AKAP6: variants seen among roughly 807,000 people sequenced by gnomAD.
AKAP6 encodes A-kinase anchoring protein 6.
A neutral mutation model predicts 188.5 loss-of-function variants in AKAP6; 58 were observed. That is an observed-to-expected ratio of 0.31 (90% CI 0.25 to 0.38). AKAP6 has a LOEUF of 0.38. Ranked by LOEUF, AKAP6 falls within the 10% of genes least tolerant of loss-of-function variation. The pLI is 1.00. For missense variants in AKAP6, 2,710 were observed against 2,740.0 expected (o/e 0.99, Z 0.24); for synonymous variants, 989 against 998.6 (o/e 0.99, Z 0.18).
At position 32,774,607 on chromosome 14, in the gene AKAP6, C is replaced by T. The variant is rs369953572; in HGVS notation, c.3588+714C>T. ...AGTTGTTTCCTTGTAATATACGATG[C>T]ATATTTGTCCAGAGAGCCTTCATAT... On this transcript the variant is annotated intron_variant, in intron 12 of 13. Coordinates refer to ENST00000280979, the MANE Select transcript of AKAP6 (RefSeq NM_004274.5). 7.9e-5 allele frequency among the ~76,000 whole-genome samples: 12 copies of T among 152,222 alleles called. No individual in the cohort carries two copies. The East Asian group carries it at 2.3e-3, about 29-fold the overall frequency.
intron 1 of AKAP6, among the ~76,000 whole-genome samples, chr14:32,355,470 C>T (rs28451992): frequency 6.6e-6 from 1 of 151,928 alleles, no homozygotes; most frequent in Non-Finnish European, 1.5e-5. Flanking sequence ...TCTGGCAGGA[C>T]GGGGAGGCCT....
intron 5 of AKAP6, among the ~76,000 whole-genome samples, chr14:32,592,057 T>G (rs1885509918): frequency 6.6e-6 from 1 of 152,192 alleles, no homozygotes; most frequent in Non-Finnish European, 1.5e-5. Flanking sequence ...TGAGTAAAAT[T>G]TGGGGACATT....
At chr14:32,498,640 T>C (rs1250975902) in intron 2 of AKAP6, among the ~76,000 whole-genome samples, 1 of 152,104 alleles carries the variant, frequency 6.6e-6, no homozygotes, top group Non-Finnish European at 1.5e-5. Context: ...AGGTCAGCCA[T>C]TGGGAATTCG....
In AKAP6 at chr14:32,773,952, C is replaced by A. The variant is rs561743477; in HGVS notation, c.3588+59C>A. ...TCATTTTCTCAGACAAAAAATAATT[C>A]TTTCAGGCTTGGAAACGGTGTTCAT... On this transcript the variant is annotated intron_variant, in intron 12 of 13. Transcript: ENST00000280979. The A allele has an allele frequency of 1.2e-4, 178 of 1,534,436 alleles. No individual in the cohort carries two copies. In the African/African-American group the frequency reaches 2.2e-3, roughly 19 times the overall value.
intron 1 of AKAP6, among the ~76,000 whole-genome samples, chr14:32,339,311 T>C (rs1286024694): frequency 2.0e-5 from 3 of 152,220 alleles, no homozygotes; most frequent in African/African-American, 7.2e-5. Context: ...GCAGTGGTCC[T>C]TTTCAAGGTA....
intron 7 of AKAP6, among the ~76,000 whole-genome samples, chr14:32,636,152 A>G (rs1036380908): frequency 1.3e-5 from 2 of 152,134 alleles, no homozygotes; most frequent in Admixed American, 6.6e-5. Flanking sequence ...ACCTTTAAAA[A>G]TAACAGATTT....
At chr14:32,436,872 G>C (rs567316322) in intron 2 of AKAP6, among the ~76,000 whole-genome samples, 25 of 152,290 alleles carry the variant, frequency 1.6e-4, no homozygotes, top group African/African-American at 5.5e-4. Context: ...GGAAATTGAG[G>C]CTGCTGATGC....
At chr14:32,513,107 G>A (rs1881342082) in intron 2 of AKAP6, among the ~76,000 whole-genome samples, 1 of 152,092 alleles carries the variant, frequency 6.6e-6, no homozygotes, top group East Asian at 1.9e-4. Context: ...GTCACTCCAG[G>A]AGGTAAACAA....
intron 9 of AKAP6, among the ~76,000 whole-genome samples, chr14:32,714,714 GT>G (rs1027576318): frequency 1.3e-5 from 2 of 151,452 alleles, no homozygotes; most frequent in South Asian, 2.1e-4. Flanking sequence ...ATGCCCCTCA[GT>G]TTTTTTCACA....
chr14:32,665,146 A>G (rs1331842811), intron 7 of AKAP6, among the ~76,000 whole-genome samples: 1 of 152,090 alleles, frequency 6.6e-6, no homozygotes, highest in Non-Finnish European at 1.5e-5. Flanking sequence ...TACACCAAGC[A>G]GTGGACACCA....
chr14:32,545,744 G>A lies in AKAP6; in HGVS notation c.1091G>A (p.Cys364Tyr). The part of the protein sequence containing the change: ...HDAKNQQPVP[C>Y]ENATPKRTIR... ...GCAAAGAATCAGCAGCCTGTTCCTT[G>A]TGAAAATGCAACCCCCAAACGAACC... Residue 364 changes from cysteine (C) to tyrosine (Y), a missense_variant, in exon 4 of 14, where the codon TGT (cysteine) becomes TAT (tyrosine). By Grantham distance (194) the Cys-to-Tyr change is radical. Around this residue, in one of 2 missense-constraint regions of AKAP6, gnomAD observed 2,473 missense variants for 2,426.1 expected, o/e 1.02. Coordinates refer to ENST00000280979, the MANE Select transcript of AKAP6 (RefSeq NM_004274.5). 6.2e-7 allele frequency: 1 copy of A among 1,614,184 alleles called. No homozygotes were observed. Among genetic ancestry groups the A allele is most frequent in the East Asian group, 2.2e-5 (1 of 44,888 alleles).
intron 1 of AKAP6, among the ~76,000 whole-genome samples, chr14:32,379,160 A>G (rs1406802327): frequency 6.6e-6 from 1 of 152,048 alleles, no homozygotes; most frequent in African/African-American, 2.4e-5. Flanking sequence ...ACCTCAGGTG[A>G]TCCGCCCCCT....
chr14:32,728,982 G>A (rs538701569), intron 9 of AKAP6, among the ~76,000 whole-genome samples: 46 of 152,076 alleles, frequency 3.0e-4, no homozygotes, highest in Admixed American at 1.8e-3. Flanking sequence ...AGATTCACTC[G>A]GTAGAGTCTT....
At chr14:32,818,335 A>G (rs959632461) in intron 12 of AKAP6, among the ~76,000 whole-genome samples, 1 of 151,460 alleles carries the variant, frequency 6.6e-6, no homozygotes, top group Non-Finnish European at 1.5e-5. Flanking sequence ...CTTCCCCACC[A>G]CACACACACA....
intron 1 of AKAP6, among the ~76,000 whole-genome samples, chr14:32,428,741 A>G (rs974847682): frequency 1.3e-5 from 2 of 152,206 alleles, no homozygotes; most frequent in African/African-American, 4.8e-5. Context: ...TTCAAGTTGA[A>G]TGCATTCTGC....
chr14:32,471,208 A>C (rs1167589408), intron 2 of AKAP6, among the ~76,000 whole-genome samples: 1 of 152,190 alleles, frequency 6.6e-6, no homozygotes, highest in Non-Finnish European at 1.5e-5. Flanking sequence ...AAAACGTTTC[A>C]ATAATTTTAA....
chr14:32,492,355 T>TATATATATATAGAGAGAGAGAG lies in AKAP6; in HGVS notation c.325-43198_325-43197insTATATATATAGAGAGAGAGAGA. Among the ~76,000 whole-genome samples the TATATATATATAGAGAGAGAGAG allele has an allele frequency of 5.6e-3, 464 of 82,534 alleles. 5 individuals are homozygous for TATATATATATAGAGAGAGAGAG. The highest frequency in any genetic ancestry group is 0.026 in the East Asian group (39 of 1,524). 54.1% of individuals were successfully genotyped at this position (82,534 alleles called of 152,430 possible). Reference sequence around the variant, plus strand: ...ACATTGTAATATATATATATATATATAGAGAGAGAGAGAGAGAGAGAGAGA... The same window carrying TATATATATATAGAGAGAGAGAG: ...ACATTGTAATATATATATATATATATATATATATATAGAGAGAGAGAGAGAGAGAGAGAGAGAGAGAGAGAGA... On this transcript the variant is annotated intron_variant, in intron 2 of 13. Coordinates refer to ENST00000280979, the MANE Select transcript of AKAP6 (RefSeq NM_004274.5).
intron 2 of AKAP6, among the ~76,000 whole-genome samples, chr14:32,510,405 T>TGTATATATATACAC (rs1566546495): frequency 4.2e-4 from 41 of 98,016 alleles, no homozygotes; most frequent in African/African-American, 1.7e-3. Flanking sequence ...TATATATATG[T>TGTATATATATACAC]ATATATATGT....
chr14:32,553,812 G>A (rs1392084838), intron 4 of AKAP6, among the ~76,000 whole-genome samples: 2 of 152,160 alleles, frequency 1.3e-5, no homozygotes. Flanking sequence ...GGGTTGAGGG[G>A]ATTTTGCTTA....
Sources: allele counts gnomAD v4.1 joint callset (sites outside exome capture counted in the v4.1 genomes callset), GRCh38; gene constraint gnomAD v4.1.1; regional missense constraint gnomAD v4.1.1; transcripts MANE v1.5; gene names NCBI Gene and HGNC (gene_info 2026-07-23, HGNC 2026-07-21).